The following PTPRT variants were observed in gnomAD, a reference collection of about 807,000 sequenced individuals.
PTPRT encodes the protein receptor-type tyrosine-protein phosphatase T.
Under a neutral mutation model 176.8 loss-of-function variants are expected in PTPRT, and 56 were observed. The observed-to-expected ratio is 0.32, with a 90% CI of 0.26 to 0.40. The LOEUF (loss-of-function observed/expected upper bound fraction) is 0.40, where lower values mean the gene tolerates loss of function less well. PTPRT is among the 10% of genes least tolerant of loss of function. The pLI is 1.00. For synonymous variants in PTPRT, 783 were observed against 739.0 expected, an observed-to-expected ratio of 1.06 and a Z score of -0.96; for missense variants, 1,540 against 1,908.2, an observed-to-expected ratio of 0.81 and a Z score of 3.60.
intron 13 of PTPRT, among the ~76,000 whole-genome samples, chr20:42,265,423 A>G (rs1318430013): frequency 6.6e-6 from 1 of 152,220 alleles, no homozygotes; most frequent in Non-Finnish European, 1.5e-5. Context: ...GGAAGTTTAA[A>G]TGAGTTAATG....
chr20:42,607,082 C>T (rs542872025), intron 7 of PTPRT, among the ~76,000 whole-genome samples: 2 of 152,186 alleles, frequency 1.3e-5, no homozygotes, highest in African/African-American at 4.8e-5. Flanking sequence ...TGAAATAAGT[C>T]AATCGCAAAA....
chr20:42,824,002 T>C (rs1569176940), intron 2 of PTPRT, among the ~76,000 whole-genome samples: 1 of 151,888 alleles, frequency 6.6e-6, no homozygotes, highest in Non-Finnish European at 1.5e-5. Context: ...ACTTGGAAGC[T>C]CTGACAAGAA....
chr20:42,756,390 G>T, intron 6 of PTPRT, 72 bp downstream of exon 6: 1 of 1,372,766 alleles, frequency 7.3e-7, no homozygotes, highest in South Asian at 1.8e-5. Context: ...ATCAGCAGAT[G>T]AGAAAAGGGG....
intron 1 of PTPRT, among the ~76,000 whole-genome samples, chr20:43,083,317 A>AGTGTGT (rs2011489979): frequency 2.5e-5 from 1 of 40,316 alleles, no homozygotes; most frequent in African/African-American, 8.6e-5. Flanking sequence ...ACCCACTTCA[A>AGTGTGT]ATGTATATAT....
At position 42,348,405 on chromosome 20, in the gene PTPRT, T is replaced by TA. The variant is rs60059842; in HGVS notation, c.1865+2222_1865+2223insT. 6.6e-5 allele frequency among the ~76,000 whole-genome samples: 10 copies of TA among 150,394 alleles called. No homozygotes were observed. The South Asian group carries it at 8.3e-4, about 13-fold the overall frequency. On this transcript the variant is annotated intron_variant, in intron 11 of 30. Transcript: ENST00000373187. The stretch of plus-strand genomic sequence containing the variant: ...TTATTTATTTATTTATTTATTTATT[T>TA]TTGGATAAAAATGTCACCAAAATAT...
chr20:42,721,412 G>A (rs2076300565), intron 6 of PTPRT, among the ~76,000 whole-genome samples: 1 of 152,200 alleles, frequency 6.6e-6, no homozygotes, highest in Admixed American at 6.5e-5. Context: ...GGTCTTGGCG[G>A]TGTGGGTGGA....
chr20:42,976,928 G>A (rs1268459951), intron 1 of PTPRT, among the ~76,000 whole-genome samples: 35 of 152,294 alleles, frequency 2.3e-4, no homozygotes, highest in Non-Finnish European at 1.5e-5. Flanking sequence ...AAAACAAAGA[G>A]GGAAGAAATG....
intron 5 of PTPRT, among the ~76,000 whole-genome samples, chr20:42,769,110 G>A (rs765848233): frequency 2.0e-5 from 3 of 152,208 alleles, no homozygotes; most frequent in Admixed American, 6.5e-5. Context: ...CTGAGGTGAC[G>A]TGGAGGTTTC....
chr20:42,241,790 C>T (rs2056359003), intron 14 of PTPRT, among the ~76,000 whole-genome samples: 1 of 152,024 alleles, frequency 6.6e-6, no homozygotes, highest in Non-Finnish European at 1.5e-5. Flanking sequence ...ACAGGATGAA[C>T]AGAAGATGAC....
At chr20:42,827,017 T>C (rs1163321276) in intron 2 of PTPRT, among the ~76,000 whole-genome samples, 1 of 152,154 alleles carries the variant, frequency 6.6e-6, no homozygotes, top group Non-Finnish European at 1.5e-5. Flanking sequence ...AACCTAACCC[T>C]AAATATATAC....
intron 10 of PTPRT, 84 bp downstream of exon 10, chr20:42,352,000 T>A: frequency 2.2e-6 from 3 of 1,369,228 alleles, no homozygotes; most frequent in Non-Finnish European, 3.1e-6. Flanking sequence ...AGGGTGACAA[T>A]TCAAGAAAAA....
intron 1 of PTPRT, among the ~76,000 whole-genome samples, chr20:43,144,896 G>A (rs2014124171): frequency 6.6e-6 from 1 of 152,178 alleles, no homozygotes; most frequent in Non-Finnish European, 1.5e-5. Context: ...GTTACCCCCA[G>A]GATCTGCAGG....
chr20:42,945,843 G>C (rs2146002882), intron 1 of PTPRT, among the ~76,000 whole-genome samples: 1 of 152,106 alleles, frequency 6.6e-6, no homozygotes. Context: ...ATCACCGCCA[G>C]AGAAGACCCC....
chr20:42,245,949 G>A (rs2056443108), intron 14 of PTPRT, among the ~76,000 whole-genome samples: 1 of 152,214 alleles, frequency 6.6e-6, no homozygotes, highest in South Asian at 2.1e-4. Context: ...GTTGGCCTCT[G>A]TGAACTTCTG....
chr20:42,861,314 C>A (rs1341670684), intron 2 of PTPRT, among the ~76,000 whole-genome samples: 2 of 152,198 alleles, frequency 1.3e-5, no homozygotes, highest in Non-Finnish European at 2.9e-5. Context: ...TCATTAAACC[C>A]CATTTAAATC....
intron 2 of PTPRT, among the ~76,000 whole-genome samples, chr20:42,863,829 A>C (rs751872456): frequency 5.3e-5 from 8 of 152,188 alleles, no homozygotes; most frequent in Non-Finnish European, 8.8e-5. Flanking sequence ...CAGTCAGAGG[A>C]TATTGCTACC....
At chr20:43,086,912 G>A (rs548407902) in intron 1 of PTPRT, among the ~76,000 whole-genome samples, 5 of 152,204 alleles carry the variant, frequency 3.3e-5, no homozygotes, top group East Asian at 1.9e-4. Context: ...AATTTATTCT[G>A]GGTTTATTGG....
At chr20:42,427,421 A>G (rs1480664583) in intron 9 of PTPRT, among the ~76,000 whole-genome samples, 1 of 152,218 alleles carries the variant, frequency 6.6e-6, no homozygotes, top group Admixed American at 6.5e-5. Flanking sequence ...AACAACAGCA[A>G]TTTATTGCTC....
At chr20:42,875,182 G>A (rs528544305) in intron 2 of PTPRT, among the ~76,000 whole-genome samples, 1 of 152,262 alleles carries the variant, frequency 6.6e-6, no homozygotes, top group African/African-American at 2.4e-5. Context: ...AGCACAGACA[G>A]GTTTTCCCAT....
Sources: gnomAD v4.1 joint callset for allele counts (sites outside exome capture counted in the v4.1 genomes callset) on GRCh38, gnomAD v4.1.1 for gene constraint, MANE v1.5 for transcripts, NCBI Gene and HGNC (gene_info 2026-07-23, HGNC 2026-07-21) for gene names.